GUCY1A2: variants seen among roughly 807,000 people sequenced by gnomAD.
GUCY1A2 encodes the protein guanylate cyclase 1 soluble subunit alpha 2, also known as guanylate cyclase soluble subunit alpha-2.
Under a neutral mutation model 63.5 loss-of-function variants are expected in GUCY1A2, and 27 were observed. That is an observed-to-expected ratio of 0.43 (90% CI 0.31 to 0.59). The LOEUF (loss-of-function observed/expected upper bound fraction) is 0.59. Among genes scored for constraint, GUCY1A2 ranks in the 20% least tolerant of loss-of-function variants. GUCY1A2 has a pLI of 0.11. For synonymous variants in GUCY1A2, 364 were observed against 343.5 expected (o/e 1.06, Z -0.66); for missense variants, 768 against 913.3 (o/e 0.84, Z 2.05).
intron 1 of GUCY1A2, among the ~76,000 whole-genome samples, chr11:107,002,920 A>G (rs1861628274): frequency 6.6e-6 from 1 of 152,106 alleles, no homozygotes; most frequent in African/African-American, 2.4e-5. Flanking sequence ...CTGTACTCCT[A>G]CTCTGCCATA....
At chr11:106,930,806 G>A (rs1407592998) in intron 4 of GUCY1A2, among the ~76,000 whole-genome samples, 5 of 152,180 alleles carry the variant, frequency 3.3e-5, no homozygotes, top group Non-Finnish European at 5.9e-5. Context: ...TGGACACAGC[G>A]ACCCATGCCT....
At chr11:106,875,643 C>T (rs140144011) in intron 4 of GUCY1A2, among the ~76,000 whole-genome samples, 2 of 152,030 alleles carry the variant, frequency 1.3e-5, no homozygotes, top group East Asian at 3.9e-4. Context: ...GGTGTCTCAT[C>T]TCCCAAGACC....
At chr11:106,807,655 A>T (rs1318677733) in intron 5 of GUCY1A2, among the ~76,000 whole-genome samples, 1 of 152,154 alleles carries the variant, frequency 6.6e-6, no homozygotes, top group African/African-American at 2.4e-5. Context: ...TATTGTTCCT[A>T]GGTGTGTCTA....
chr11:106,922,172 T>C (rs1424657727), intron 4 of GUCY1A2, among the ~76,000 whole-genome samples: 1 of 152,158 alleles, frequency 6.6e-6, no homozygotes, highest in African/African-American at 2.4e-5. Flanking sequence ...CAGACAACAT[T>C]TGTCTCTCTG....
At chr11:106,919,588 T>G (rs922274746) in intron 4 of GUCY1A2, among the ~76,000 whole-genome samples, 2 of 152,030 alleles carry the variant, frequency 1.3e-5, no homozygotes, top group African/African-American at 4.8e-5. Context: ...AATAAAGGCA[T>G]GTGGACTCCC....
At position 106,879,121 on chromosome 11, in the gene GUCY1A2, T is replaced by C. The variant is rs147272050; in HGVS notation, c.1206+60339A>G. ...TTCACACCAGAACAGTCTTTTTTAGTGCGTTAATTGTCTGAAGTACACTCT... is the reference window on the plus strand; with the variant it reads ...TTCACACCAGAACAGTCTTTTTTAGCGCGTTAATTGTCTGAAGTACACTCT... On this transcript the variant is annotated intron_variant, in intron 4 of 7. Transcript: ENST00000526355. 1.7e-3 allele frequency among the ~76,000 whole-genome samples: 260 copies of C among 152,236 alleles called. 2 individuals are homozygous for C. Among genetic ancestry groups the C allele is most frequent in the African/African-American group, 6.0e-3 (250 of 41,564 alleles).
chr11:106,840,461 A>C (rs1273467848), intron 4 of GUCY1A2, among the ~76,000 whole-genome samples: 1 of 151,948 alleles, frequency 6.6e-6, no homozygotes, highest in African/African-American at 2.4e-5. Context: ...AAAGAAATAC[A>C]TATTGGTTGT....
rs373318803 is a variant in GUCY1A2, at chr11:106,834,738, C to T, written c.1207-24260G>A. 2.0e-5 allele frequency among the ~76,000 whole-genome samples: 3 copies of T among 151,998 alleles called. No individual in the cohort carries two copies. In the East Asian group the frequency reaches 5.8e-4, roughly 29 times the overall value. Reference sequence around the variant, plus strand: ...AAAAGCATAAACGTTGAGCTAAAAGCTTAACTATGAGCTGAAAGCGCATAC... The same window carrying T: ...AAAAGCATAAACGTTGAGCTAAAAGTTTAACTATGAGCTGAAAGCGCATAC... On this transcript the variant is annotated intron_variant, in intron 4 of 7. Coordinates refer to ENST00000526355, the MANE Select transcript of GUCY1A2 (RefSeq NM_000855.3).
At chr11:106,849,645 T>C (rs1214670910) in intron 4 of GUCY1A2, among the ~76,000 whole-genome samples, 1 of 151,660 alleles carries the variant, frequency 6.6e-6, no homozygotes, top group Non-Finnish European at 1.5e-5. Flanking sequence ...TACAGCTCTG[T>C]TTGTATAAAT....
intron 3 of GUCY1A2, among the ~76,000 whole-genome samples, chr11:106,952,660 T>TC (rs1357053454): frequency 6.6e-6 from 1 of 151,374 alleles, no homozygotes; most frequent in Admixed American, 6.6e-5. Flanking sequence ...AGGGTTTTTT[T>TC]TTTCTTTTTA....
chr11:106,696,130 T>C (rs1862714764), intron 7 of GUCY1A2, among the ~76,000 whole-genome samples: 1 of 152,200 alleles, frequency 6.6e-6, no homozygotes, highest in South Asian at 2.1e-4. Flanking sequence ...GCAAAACTAA[T>C]GCCCTTTACA....
intron 6 of GUCY1A2, among the ~76,000 whole-genome samples, chr11:106,767,174 G>T (rs1864179909): frequency 6.6e-6 from 1 of 152,030 alleles, no homozygotes; most frequent in Admixed American, 6.6e-5. Flanking sequence ...CTTATTTAAA[G>T]GTAGTTATCC....
At chr11:106,790,968 G>A (rs11600840) in intron 5 of GUCY1A2, among the ~76,000 whole-genome samples, 30,371 of 152,148 alleles carry the variant, frequency 0.2, 3,209 homozygotes, top group Middle Eastern at 0.28. Context: ...GGTGCTGCAA[G>A]CATTCCCTTA....
chr11:106,747,079 C>G (rs1402611851), intron 6 of GUCY1A2, among the ~76,000 whole-genome samples: 1 of 152,148 alleles, frequency 6.6e-6, no homozygotes, highest in Non-Finnish European at 1.5e-5. Context: ...GCTCCACCTC[C>G]CGGGTTCACG....
chr11:106,994,108 T>A (rs7943180), intron 1 of GUCY1A2, among the ~76,000 whole-genome samples: 2,058 of 152,298 alleles, frequency 0.014, 48 homozygotes, highest in African/African-American at 0.047. Context: ...GAGCTTGGGG[T>A]AAATGTTGAC....
intron 5 of GUCY1A2, among the ~76,000 whole-genome samples, chr11:106,797,141 CTTCTCTACAATGGTTA>C (rs1381229083): frequency 6.6e-6 from 1 of 152,072 alleles, no homozygotes; most frequent in Non-Finnish European, 1.5e-5. Flanking sequence ...CATTTAAGGA[CTTCTCTACAATGGTTA>C]TTCTAGTTAG....
intron 1 of GUCY1A2, among the ~76,000 whole-genome samples, chr11:107,014,643 A>T (rs1456405590): frequency 6.6e-6 from 1 of 152,194 alleles, no homozygotes; most frequent in East Asian, 1.9e-4. Flanking sequence ...CAAAAACCTG[A>T]GTGTGGATAT....
chr11:106,741,807 T>C (rs890134388), intron 6 of GUCY1A2, among the ~76,000 whole-genome samples: 4 of 152,216 alleles, frequency 2.6e-5, no homozygotes, highest in Admixed American at 2.0e-4. Flanking sequence ...ATCATGAAGA[T>C]GATAGATTTT....
At chr11:106,924,807 C>A (rs1437992531) in intron 4 of GUCY1A2, among the ~76,000 whole-genome samples, 1 of 152,006 alleles carries the variant, frequency 6.6e-6, no homozygotes, top group Non-Finnish European at 1.5e-5. Context: ...AGGTTCAAGA[C>A]CAGCCTGGCC....
Sources: gnomAD v4.1 joint callset for allele counts (sites outside exome capture counted in the v4.1 genomes callset) on GRCh38, gnomAD v4.1.1 for gene constraint, MANE v1.5 for transcripts, NCBI Gene and HGNC (gene_info 2026-07-23, HGNC 2026-07-21) for gene names.